Variants in NLGN1 observed in about 807,000 individuals in gnomAD.
NLGN1 encodes neuroligin-1.
A neutral mutation model predicts 65.5 loss-of-function variants in NLGN1; 12 were observed. The ratio of observed to expected loss-of-function variants is 0.18; its 90% CI spans 0.12 to 0.30. The LOEUF (loss-of-function observed/expected upper bound fraction) is 0.30, where lower values mean the gene tolerates loss of function less well. NLGN1 is among the 10% of genes least tolerant of loss of function. The pLI, the probability that NLGN1 is intolerant of heterozygous loss-of-function variation, is 1.00. For synonymous variants in NLGN1, 350 were observed against 359.5 expected, an observed-to-expected ratio of 0.97 and a Z score of 0.30; for missense variants, 750 against 1,007.1, an observed-to-expected ratio of 0.74 and a Z score of 3.46.
chr3:174,206,315 C>T (rs925826735), intron 4 of NLGN1, among the ~76,000 whole-genome samples: 6 of 152,246 alleles, frequency 3.9e-5, no homozygotes, highest in Admixed American at 1.3e-4. Context: ...ATACTGGGCT[C>T]GAGGATCACA....
At chr3:173,458,970 T>C (rs1392621514) in intron 2 of NLGN1, among the ~76,000 whole-genome samples, 2 of 152,036 alleles carry the variant, frequency 1.3e-5, no homozygotes, top group Non-Finnish European at 1.5e-5. Flanking sequence ...TAGAGTATCA[T>C]TGGCTAATAT....
chr3:173,695,576 A>T, intron 3 of NLGN1: 1 of 345,664 alleles, frequency 2.9e-6, no homozygotes, highest in Non-Finnish European at 5.7e-6. Flanking sequence ...CTATACTAGC[A>T]TGCTAACTAT....
intron 3 of NLGN1, among the ~76,000 whole-genome samples, chr3:173,712,968 G>A (rs1365220514): frequency 1.3e-5 from 2 of 152,082 alleles, no homozygotes; most frequent in African/African-American, 4.8e-5. Context: ...TGTAGTAGCA[G>A]CAAGGTCGGA....
intron 4 of NLGN1, among the ~76,000 whole-genome samples, chr3:174,196,369 T>C (rs941783918): frequency 6.6e-6 from 1 of 152,154 alleles, no homozygotes; most frequent in Non-Finnish European, 1.5e-5. Flanking sequence ...GCTCTCCCAA[T>C]AGTCATGCAA....
At chr3:173,753,972 A>AATATAATATAAT (rs1415761967) in intron 3 of NLGN1, among the ~76,000 whole-genome samples, 2 of 147,002 alleles carry the variant, frequency 1.4e-5, no homozygotes, top group Admixed American at 6.8e-5. Flanking sequence ...AATATAATAT[A>AATATAATATAAT]ATATCTACTC....
rs201200594 is a variant in NLGN1 at position 173,435,921 on chromosome 3, A to T, written c.-321+843A>T. 5.3e-4 allele frequency among the ~76,000 whole-genome samples: 81 copies of T among 152,318 alleles called. 1 individual carries two copies. In the East Asian group the frequency reaches 0.014, roughly 27 times the overall value. On this transcript the variant is annotated intron_variant, in intron 2 of 6. Coordinates refer to ENST00000457714, the Ensembl canonical transcript of NLGN1. ...GAAGGCTGACATCATTTTTAATGAG[A>T]GAAGAATATTTTAAAGAAGAAATAA...
intron 4 of NLGN1, among the ~76,000 whole-genome samples, chr3:174,231,383 A>G (rs1046308463): frequency 6.6e-5 from 10 of 152,196 alleles, no homozygotes; most frequent in African/African-American, 2.2e-4. Context: ...GAGATTGGTT[A>G]CAGCTCAGCG....
chr3:173,524,008 C>T (rs1412585047), intron 2 of NLGN1, among the ~76,000 whole-genome samples: 1 of 148,956 alleles, frequency 6.7e-6, no homozygotes, highest in African/African-American at 2.5e-5. Context: ...GCAAGCTCTG[C>T]CTCCCAAGTT....
At chr3:173,756,584 T>C (rs917017917) in intron 3 of NLGN1, among the ~76,000 whole-genome samples, 1 of 151,784 alleles carries the variant, frequency 6.6e-6, no homozygotes, top group Non-Finnish European at 1.5e-5. Context: ...TTAGAAATAG[T>C]GACAAAGCAG....
chr3:173,741,031 G>A (rs1378174564), intron 3 of NLGN1, among the ~76,000 whole-genome samples: 3 of 152,104 alleles, frequency 2.0e-5, no homozygotes, highest in Non-Finnish European at 2.9e-5. Flanking sequence ...AAAACTCTTA[G>A]CATATAGGTA....
chr3:174,235,269 A>G (rs1024103389), intron 4 of NLGN1, among the ~76,000 whole-genome samples: 1 of 152,076 alleles, frequency 6.6e-6, no homozygotes, highest in South Asian at 2.1e-4. Context: ...CCCCTCCTTC[A>G]TATACACCAA....
At chr3:173,464,177 A>G (rs913764004) in intron 2 of NLGN1, among the ~76,000 whole-genome samples, 3 of 152,268 alleles carry the variant, frequency 2.0e-5, no homozygotes, top group Non-Finnish European at 2.9e-5. Flanking sequence ...CTGAAAGTCT[A>G]CTATGGAGAA....
intron 4 of NLGN1, among the ~76,000 whole-genome samples, chr3:174,188,377 G>A (rs1731800135): frequency 6.6e-6 from 1 of 151,956 alleles, no homozygotes; most frequent in African/African-American, 2.4e-5. Flanking sequence ...TAACATTGAT[G>A]ACAAAACCAG....
chr3:174,255,519 A>G (rs1745553852), intron 4 of NLGN1, among the ~76,000 whole-genome samples: 1 of 151,568 alleles, frequency 6.6e-6, no homozygotes, highest in African/African-American at 2.4e-5. Context: ...TGACAGTGAT[A>G]AAATCAGCCA....
At chr3:173,750,862 C>A (rs1776214830) in intron 3 of NLGN1, among the ~76,000 whole-genome samples, 1 of 152,070 alleles carries the variant, frequency 6.6e-6, no homozygotes, top group Non-Finnish European at 1.5e-5. Context: ...CGAAAAAGTT[C>A]TTTGTAATGC....
chr3:173,968,197 A>G (rs924281551), intron 4 of NLGN1, among the ~76,000 whole-genome samples: 22 of 152,130 alleles, frequency 1.4e-4, no homozygotes, highest in African/African-American at 5.3e-4. Flanking sequence ...AGATCTTATG[A>G]TTTATGTATT....
At chr3:173,771,987 T>C (rs2150268307) in intron 3 of NLGN1, among the ~76,000 whole-genome samples, 1 of 152,158 alleles carries the variant, frequency 6.6e-6, no homozygotes, top group Middle Eastern at 3.4e-3. Flanking sequence ...TGTGACCTTA[T>C]TTTTTAAAAT....
At chr3:173,531,813 C>G (rs1343067291) in intron 2 of NLGN1, among the ~76,000 whole-genome samples, 1 of 152,036 alleles carries the variant, frequency 6.6e-6, no homozygotes, top group African/African-American at 2.4e-5. Flanking sequence ...GATATTTGAT[C>G]CTTTTCTAAG....
intron 4 of NLGN1, among the ~76,000 whole-genome samples, chr3:173,977,635 A>G (rs1439357128): frequency 6.6e-6 from 1 of 151,956 alleles, no homozygotes. Flanking sequence ...TAGTGGTGCT[A>G]TTTATTGACC....
Sources: allele counts gnomAD v4.1 joint callset (sites outside exome capture counted in the v4.1 genomes callset), GRCh38; gene constraint gnomAD v4.1.1; transcripts MANE v1.5; gene names NCBI Gene and HGNC (gene_info 2026-07-23, HGNC 2026-07-21).